CDIN1: variants seen among roughly 807,000 people sequenced by gnomAD.
CDIN1 encodes the protein CDAN1 interacting nuclease 1.
In CDIN1, 33 loss-of-function variants were observed where a neutral mutation model predicts 45.3. That is an observed-to-expected ratio of 0.73 (90% confidence interval 0.55 to 0.97). CDIN1 has a LOEUF of 0.97. Ranked by LOEUF, CDIN1 falls within the 50% of genes least tolerant of loss-of-function variation. The probability of loss-of-function intolerance (pLI) is 0.00; values close to 1 mark genes in which losing one functional copy is unlikely to be tolerated. For synonymous variants in CDIN1, 118 were observed against 124.4 expected (o/e 0.95, Z 0.34); for missense variants, 303 against 339.4 (o/e 0.89, Z 0.84).
intron 10 of CDIN1, among the ~76,000 whole-genome samples, chr15:36,763,605 C>T (rs2141004498): frequency 6.6e-6 from 1 of 152,200 alleles, no homozygotes; most frequent in East Asian, 1.9e-4. Flanking sequence ...AGGACTGTAC[C>T]CCGCCATGTT....
chr15:36,790,109 C>A (rs2054607811), intron 10 of CDIN1: 1 of 152,172 alleles, frequency 6.6e-6, no homozygotes, highest in Non-Finnish European at 1.5e-5. Flanking sequence ...CCGTTATGGA[C>A]CTAGCTGATC....
chr15:36,640,794 A>G (rs2140389714), intron 1 of CDIN1: 1 of 315,656 alleles, frequency 3.2e-6, no homozygotes, highest in South Asian at 1.3e-4. Context: ...AGGCTCTTTC[A>G]TGTTACCGAG....
At chr15:36,624,647 A>T (rs945816320) in intron 1 of CDIN1, among the ~76,000 whole-genome samples, 6 of 152,202 alleles carry the variant, frequency 3.9e-5, no homozygotes, top group Admixed American at 3.9e-4. Context: ...AGGTACTTTT[A>T]TGCAAGTTTT....
At chr15:36,722,598 T>C (rs566032426) in intron 10 of CDIN1, among the ~76,000 whole-genome samples, 2 of 152,270 alleles carry the variant, frequency 1.3e-5, no homozygotes, top group African/African-American at 4.8e-5. Context: ...CAGCTATGCT[T>C]TTTCATTTCC....
chr15:36,644,208 G>A, intron 1 of CDIN1, 70 bp from the exon 2 acceptor site: 1 of 1,467,728 alleles, frequency 6.8e-7, no homozygotes, highest in Non-Finnish European at 9.5e-7. Context: ...TACCTTTGAA[G>A]CTCCTTTCTC....
intron 1 of CDIN1, among the ~76,000 whole-genome samples, chr15:36,623,836 TTTG>T (rs1479814768): frequency 1.3e-5 from 2 of 152,244 alleles, no homozygotes; most frequent in African/African-American, 4.8e-5. Context: ...TTGAAAGTAA[TTTG>T]TTTTATGATT....
intron 10 of CDIN1, among the ~76,000 whole-genome samples, chr15:36,776,482 A>C (rs2054220166): frequency 6.6e-6 from 1 of 152,170 alleles, no homozygotes; most frequent in South Asian, 2.1e-4. Context: ...CTGCATCAGA[A>C]TCCTTGTTCT....
chr15:36,756,197 T>C (rs1189214414), intron 10 of CDIN1: 1 of 451,888 alleles, frequency 2.2e-6, no homozygotes, highest in Admixed American at 2.4e-5. Context: ...TTATCTTAAA[T>C]GTGAAATTAC....
At chr15:36,589,252 A>C (rs1024783434) in intron 1 of CDIN1, among the ~76,000 whole-genome samples, 2 of 152,230 alleles carry the variant, frequency 1.3e-5, no homozygotes, top group Non-Finnish European at 2.9e-5. Context: ...TACTAGATTA[A>C]ATCTGAAAAG....
intron 10 of CDIN1, among the ~76,000 whole-genome samples, chr15:36,761,823 G>A (rs1302426819): frequency 2.0e-5 from 3 of 152,090 alleles, no homozygotes; most frequent in Non-Finnish European, 4.4e-5. Context: ...GCAAGATTTT[G>A]TTATACTTTC....
chr15:36,584,589 T>C (rs2037205285), intron 1 of CDIN1, among the ~76,000 whole-genome samples: 1 of 152,248 alleles, frequency 6.6e-6, no homozygotes, highest in Non-Finnish European at 1.5e-5. Context: ...TATTCACTTA[T>C]TCATTCATTT....
chr15:36,746,026 C>CA (rs746474543), intron 10 of CDIN1, among the ~76,000 whole-genome samples: 5 of 152,028 alleles, frequency 3.3e-5, no homozygotes, highest in Admixed American at 6.6e-5. Context: ...GAAATATATA[C>CA]AAAAAACAGT....
chr15:36,587,866 G>T (rs892231497), intron 1 of CDIN1, among the ~76,000 whole-genome samples: 1 of 152,196 alleles, frequency 6.6e-6, no homozygotes, highest in African/African-American at 2.4e-5. Context: ...TCAGGCTCCA[G>T]AATCTCTTTC....
chr15:36,788,569 C>T lies in CDIN1; in HGVS notation c.717-19755C>T, dbSNP rs561997944. 2.6e-5 allele frequency among the ~76,000 whole-genome samples: 4 copies of T among 151,770 alleles called. No individual in the cohort carries two copies. The South Asian group carries it at 8.3e-4, about 32-fold the overall frequency. ...TATTTTAAAGGTTTGTCTATGAATACGAAATAAAAAATAGCTTGTCAGAAG... is the reference window on the plus strand; with the variant it reads ...TATTTTAAAGGTTTGTCTATGAATATGAAATAAAAAATAGCTTGTCAGAAG... On this transcript the variant is annotated intron_variant, in intron 10 of 10. Transcript: ENST00000566621.
intron 5 of CDIN1, among the ~76,000 whole-genome samples, chr15:36,679,527 C>T (rs1309350818): frequency 6.6e-6 from 1 of 152,152 alleles, no homozygotes; most frequent in Non-Finnish European, 1.5e-5. Context: ...ATTCTAGACT[C>T]TGCTCATAAC....
chr15:36,613,616 G>A (rs1466153445), intron 1 of CDIN1: 5 of 1,449,840 alleles, frequency 3.4e-6, no homozygotes, highest in East Asian at 2.3e-5. Flanking sequence ...TGAGGCTGAG[G>A]TGGCCTCCTT....
intron 10 of CDIN1, among the ~76,000 whole-genome samples, chr15:36,796,832 A>G (rs776032040): frequency 5.3e-5 from 8 of 152,224 alleles, no homozygotes; most frequent in African/African-American, 1.7e-4. Context: ...AAATATAATC[A>G]GGTACCATCT....
intron 10 of CDIN1, among the ~76,000 whole-genome samples, chr15:36,805,247 T>C (rs759567567): frequency 3.3e-5 from 5 of 152,096 alleles, no homozygotes; most frequent in Non-Finnish European, 7.4e-5. Flanking sequence ...AACCATAAAA[T>C]TATAGTCAAC....
intron 10 of CDIN1, among the ~76,000 whole-genome samples, chr15:36,805,911 T>C (rs539041609): frequency 3.1e-4 from 47 of 152,312 alleles, no homozygotes; most frequent in African/African-American, 1.1e-3. Context: ...TTTGAAAGCG[T>C]ATCAATCTCT....
Sources: allele counts gnomAD v4.1 joint callset (sites outside exome capture counted in the v4.1 genomes callset), GRCh38; gene constraint gnomAD v4.1.1; transcripts MANE v1.5; gene names NCBI Gene and HGNC (gene_info 2026-07-23, HGNC 2026-07-21).